PDZD4: variants seen among roughly 807,000 people sequenced by gnomAD.
The protein encoded by PDZD4 is PDZ domain containing 4, also known as PDZ domain-containing protein 4.
A neutral mutation model predicts 38.5 loss-of-function variants in PDZD4; 9 were observed. The observed-to-expected ratio is 0.23, with a 90% CI of 0.14 to 0.41. The LOEUF (loss-of-function observed/expected upper bound fraction) is 0.41, where lower values mean the gene tolerates loss of function less well. Among genes scored for constraint, PDZD4 ranks in the 10% least tolerant of loss-of-function variants. The pLI, the probability that PDZD4 is intolerant of heterozygous loss-of-function variation, is 1.00. For missense variants in PDZD4, 612 were observed against 722.0 expected, an observed-to-expected ratio of 0.85 and a Z score of 1.75; for synonymous variants, 349 against 315.7, an observed-to-expected ratio of 1.11 and a Z score of -1.12.
chrX:153,803,412 C>A lies in PDZD4; in HGVS notation c.2269G>T (p.Ala757Ser), dbSNP rs968113390. ...ACCCGCTTGCCATCGGCGGAGCGCG[C>A]GCCGTGGGCCAGCATCTCCTGGATG... ...ITIQEMLAHG[A>S]RSADGKRVYN... Residue 757 changes from alanine to serine, a missense_variant, in exon 8 of 8, where the codon GCG becomes TCG. Coordinates refer to ENST00000393758, the MANE Select transcript of PDZD4 (RefSeq NM_001303512.2). The A allele has an allele frequency of 8.7e-7, 1 of 1,144,849 alleles. No individual in the cohort carries two copies. Among genetic ancestry groups the A allele is most frequent in the Non-Finnish European group, 1.2e-6 (1 of 864,618 alleles). The allele number at this position is 1,144,849 out of a possible 1,213,427, so 94.3% of individuals were successfully genotyped here.
intron 5 of PDZD4, among the ~76,000 whole-genome samples, 156 bp downstream of exon 5, chrX:153,805,915 A>G (rs782479883): frequency 2.4e-4 from 27 of 111,693 alleles, no homozygotes; most frequent in African/African-American, 8.1e-4. Context: ...TGGGCAGGAG[A>G]GAGATGAGAC....
intron 5 of PDZD4, 123 bp downstream of exon 5, chrX:153,805,948 C>T (rs1557076864): frequency 4.0e-6 from 3 of 750,358 alleles, no homozygotes; most frequent in Middle Eastern, 3.5e-4. Flanking sequence ...TAGGACACGG[C>T]AGGCTGCTGG....
intron 1 of PDZD4, among the ~76,000 whole-genome samples, chrX:153,809,666 C>T (rs1557078315): frequency 8.9e-6 from 1 of 112,668 alleles, no homozygotes; most frequent in African/African-American, 3.2e-5. Context: ...ATGTGGGTCT[C>T]CACAAAATCC....
chrX:153,803,184 T>G lies in PDZD4; in HGVS notation c.*169A>C. The G allele has an allele frequency of 3.0e-6, 1 of 332,730 alleles. No individual in the cohort carries two copies. The highest frequency in any genetic ancestry group is 5.0e-6 in the Non-Finnish European group (1 of 201,162). The allele number at this position is 332,730 out of a possible 1,213,427, so 27.4% of individuals were successfully genotyped here. A position where few individuals can be genotyped will look rare whatever the true frequency, so the allele number is the denominator to read the frequency against. ...AAAAGCGTCCCTTCTCCTCAGGGGC[T>G]TCTCTCTGCTAACAAAGCCCTGTGC... On this transcript the variant is annotated 3_prime_UTR_variant, in exon 8 of 8. Transcript: ENST00000393758.
chrX:153,824,673 TACATGTTG>T (rs1190464744), intron 1 of PDZD4, among the ~76,000 whole-genome samples: 1 of 111,695 alleles, frequency 9.0e-6, no homozygotes, highest in African/African-American at 3.3e-5. Flanking sequence ...CGCAGTTGCC[TACATGTTG>T]GCGATGGTCT....
intron 2 of PDZD4, 81 bp downstream of exon 2, chrX:153,808,261 G>T: frequency 9.0e-7 from 1 of 1,115,070 alleles, no homozygotes. Context: ...TCCTGCCCGA[G>T]AGGGTGGCGT....
Position 153,803,818 on chromosome X carries a change from C to G in PDZD4, c.1863G>C (p.Ala621=), listed in dbSNP as rs150192033. 2.5e-6 allele frequency: 3 copies of G among 1,197,527 alleles called. No homozygotes were observed. Among genetic ancestry groups the G allele is most frequent in the Non-Finnish European group, 3.4e-6 (3 of 890,380 alleles). The part of the protein sequence containing the change: ...GGPRVGGVAA[A]ATEAPRMEWK... Reference sequence around the variant, plus strand: ...ACTCCATGCGCGGTGCTTCAGTGGCCGCGGCCGCCACCCCGCCCACCCGAG... The same window carrying G: ...ACTCCATGCGCGGTGCTTCAGTGGCGGCGGCCGCCACCCCGCCCACCCGAG... The change falls in exon 8 of 8, where the codon GCG becomes GCC. Residue 621 remains alanine (A), a synonymous_variant. Coordinates refer to ENST00000393758, the MANE Select transcript of PDZD4 (RefSeq NM_001303512.2).
Position 153,808,485 on chromosome X carries a change from C to T in PDZD4, c.171G>A (p.Arg57=), listed in dbSNP as rs1458436135. The T allele has an allele frequency of 3.3e-6, 4 of 1,210,082 alleles. No homozygotes were observed. Among genetic ancestry groups the T allele is most frequent in the Non-Finnish European group, 4.5e-6 (4 of 895,125 alleles). Residue 57 remains arginine, a synonymous_variant, in exon 2 of 8, where the codon CGG becomes CGA. Transcript: ENST00000393758. ...GCAGGTCGTGACAGGAGCTGTCCCC[C>T]CGGAGGCGGGGGCTGCGTCTCAGCA... is the stretch of plus-strand genomic sequence containing the variant. ...IQVLRRSPRL[R]GDSSCHDLQL... is the part of the protein sequence containing the mutation.
rs782511562 is a variant in PDZD4 at position 153,803,409 on chromosome X, G to A, written c.2272C>T (p.Arg758Cys). ...TAGACCCGCTTGCCATCGGCGGAGC[G>A]CGCGCCGTGGGCCAGCATCTCCTGG... ...TIQEMLAHGA[R>C]SADGKRVYNP... Residue 758 changes from arginine (R) to cysteine (C), a missense_variant, in exon 8 of 8, where the codon CGC (arginine) becomes TGC (cysteine). Physicochemically the swap from Arg to Cys is radical, Grantham distance 180. Around this residue, in one of 3 missense-constraint regions of PDZD4, gnomAD observed 87 missense variants for 126.3 expected, o/e 0.69. Coordinates refer to ENST00000393758, the MANE Select transcript of PDZD4 (RefSeq NM_001303512.2). 26 of 1,143,174 alleles carry A rather than the reference G, an allele frequency of 2.3e-5. No homozygotes were observed. Among genetic ancestry groups the A allele is most frequent in the Non-Finnish European group, 2.9e-5 (25 of 864,153 alleles). The allele number at this position is 1,143,174 out of a possible 1,213,427, so 94.2% of individuals were successfully genotyped here.
chrX:153,805,060 C>T (rs2092207196), intron 7 of PDZD4, 37 bp downstream of exon 7: 2 of 1,181,104 alleles, frequency 1.7e-6, no homozygotes, highest in East Asian at 3.0e-5. Flanking sequence ...GTTCTCTCCT[C>T]CTCGCCCTCC....
Position 153,805,103 on chromosome X carries a change from G to A in PDZD4, c.774C>T (p.Ala258=). The change falls in exon 7 of 8, where the codon GCC becomes GCT. Residue 258 remains alanine, a synonymous_variant. Transcript: ENST00000393758. ...CGCCCTTTTCCTTCCTCACCTGCTG[G>A]GCAGGGGGTGATTTCAGTTTACGAG... ...LRARKLKSPP[A]QQPGNEEEKG... is the part of the protein sequence containing the mutation. 1 of 1,209,732 alleles carries A rather than the reference G, an allele frequency of 8.3e-7. No individual in the cohort carries two copies. The highest frequency in any genetic ancestry group is 1.1e-6 in the Non-Finnish European group (1 of 893,928).
At chrX:153,817,296 T>C (rs2064373130) in intron 1 of PDZD4, among the ~76,000 whole-genome samples, 1 of 111,941 alleles carries the variant, frequency 8.9e-6, no homozygotes, top group South Asian at 3.7e-4. Flanking sequence ...AGAGTATCCA[T>C]AGTTGAGAAC....
intron 1 of PDZD4, among the ~76,000 whole-genome samples, chrX:153,825,993 G>C (rs1333120907): frequency 9.0e-6 from 1 of 111,542 alleles, no homozygotes; most frequent in Non-Finnish European, 1.9e-5. Flanking sequence ...AGGCGGGCAG[G>C]ATTGCTTGAG....
chrX:153,822,605 T>G (rs1463326210), intron 1 of PDZD4, among the ~76,000 whole-genome samples: 2 of 110,225 alleles, frequency 1.8e-5, no homozygotes, highest in African/African-American at 6.6e-5. Context: ...CTTTGTTCCC[T>G]GTCCATCTGT....
chrX:153,812,704 G>A (rs1231567446), intron 1 of PDZD4, among the ~76,000 whole-genome samples: 2 of 111,201 alleles, frequency 1.8e-5, no homozygotes, highest in Non-Finnish European at 3.8e-5. Context: ...AACAAGGTGG[G>A]AAAATATGGG....
chrX:153,806,131 T>C lies in PDZD4; in HGVS notation c.507A>G (p.Val169=), dbSNP rs374044705. The change falls in exon 5 of 8, where the codon GTA becomes GTG. Residue 169 remains valine (V), a splice_region_variant and synonymous_variant. Transcript: ENST00000393758. ...EEDLGIYVGE[V]NPNSIAAKDG... Reference sequence around the variant, plus strand: ...CTTTGGCTGCAATGCTGTTGGGATTTACCTGCAGGACACACGCATCTTGGG... The same window carrying C: ...CTTTGGCTGCAATGCTGTTGGGATTCACCTGCAGGACACACGCATCTTGGG... The C allele has an allele frequency of 1.4e-5, 17 of 1,210,030 alleles. No individual in the cohort carries two copies. The highest frequency in any genetic ancestry group is 1.0e-4 in the African/African-American group (6 of 57,337).
chrX:153,810,314 C>A (rs1232609950), intron 1 of PDZD4, among the ~76,000 whole-genome samples: 4 of 112,523 alleles, frequency 3.6e-5, no homozygotes, highest in Admixed American at 9.3e-5. Context: ...GAGCACACGG[C>A]TGGCCATGCA....
chrX:153,805,219 G>A lies in PDZD4; in HGVS notation c.670-12C>T, dbSNP rs1557076515. On this transcript the variant is annotated splice_polypyrimidine_tract_variant and intron_variant, in intron 6 of 7. Transcript: ENST00000393758. The stretch of plus-strand genomic sequence containing the variant: ...CACCTTTTCGCCAGCTGTGGAGACA[G>A]GCCCTGGTGTCCCCACAGCTTCAAG... 1 of 1,178,301 alleles carries A rather than the reference G, an allele frequency of 8.5e-7. No individual in the cohort carries two copies.
intron 2 of PDZD4, chrX:153,808,003 G>T: frequency 9.8e-7 from 1 of 1,023,019 alleles, no homozygotes; most frequent in Non-Finnish European, 1.3e-6. Context: ...GAATGAGACA[G>T]ACAAGGGATG....
Sources: gnomAD v4.1 joint callset for allele counts (sites outside exome capture counted in the v4.1 genomes callset) on GRCh38, gnomAD v4.1.1 for gene constraint, gnomAD v4.1.1 regional missense constraint, MANE v1.5 for transcripts, NCBI Gene and HGNC (gene_info 2026-07-23, HGNC 2026-07-21) for gene names.